The following AKAP17A variants were observed in gnomAD, a reference collection of about 807,000 sequenced individuals.
AKAP17A encodes the protein A-kinase anchoring protein 17A.
Under a neutral mutation model 52.2 loss-of-function variants are expected in AKAP17A, and 15 were observed. The ratio of observed to expected loss-of-function variants is 0.29; its 90% CI spans 0.19 to 0.44. The LOEUF (loss-of-function observed/expected upper bound fraction) is 0.44. AKAP17A is among the 20% of genes least tolerant of loss of function. The pLI is 1.00. For missense variants in AKAP17A, 1,060 were observed against 1,007.0 expected (o/e 1.05, Z -0.71); for synonymous variants, 514 against 424.7 (o/e 1.21, Z -2.58).
Position 1,599,230 on chromosome X carries a change from A to C in AKAP17A, c.950A>C (p.Lys317Thr). The change falls in exon 4 of 5, where the codon AAA becomes ACA. Residue 317 changes from lysine (K) to threonine (T), a missense_variant. By Grantham distance (78) the Lys-to-Thr change is moderately conservative. Transcript: ENST00000313871. Reference protein sequence around the residue: ...KELEELERERKREEKLRKREQ... With the variant: ...KELEELERERTREEKLRKREQ... ...CTGGAAGAGCTGGAGCGAGAGAGGA[A>C]AAGAGAAGAGAAGCTTCGCAAGAGG... 2 of 1,612,564 alleles carry C rather than the reference A, an allele frequency of 1.2e-6. No individual in the cohort carries two copies. The highest frequency in any genetic ancestry group is 1.7e-6 in the Non-Finnish European group (2 of 1,179,852).
chrX:1,597,150 G>T (rs1478403202), intron 3 of AKAP17A, among the ~76,000 whole-genome samples: 1 of 152,184 alleles, frequency 6.6e-6, no homozygotes, highest in Non-Finnish European at 1.5e-5. Flanking sequence ...GATGTGTGTG[G>T]CTGGTGATGT....
chrX:1,598,295 T>C (rs1933130189), intron 3 of AKAP17A, among the ~76,000 whole-genome samples: 1 of 151,752 alleles, frequency 6.6e-6, no homozygotes, highest in African/African-American at 2.4e-5. Flanking sequence ...CGTCGGCACC[T>C]GGCCCGGCCC....
At chrX:1,594,987 C>A (rs1223176894) in intron 2 of AKAP17A, among the ~76,000 whole-genome samples, 1 of 152,116 alleles carries the variant, frequency 6.6e-6, no homozygotes, top group Non-Finnish European at 1.5e-5. Context: ...GGTTTTGTGG[C>A]CTTAAGATGT....
At position 1,601,044 on chromosome X, in the gene AKAP17A, A is replaced by G. The variant is rs1369250156; in HGVS notation, c.1538A>G (p.Asn513Ser). 6.2e-7 allele frequency: 1 copy of G among 1,612,752 alleles called. No homozygotes were observed. Among genetic ancestry groups the G allele is most frequent in the Non-Finnish European group, 8.5e-7 (1 of 1,179,628 alleles). The change falls in exon 5 of 5, where the codon AAC becomes AGC. Residue 513 changes from asparagine to serine, a missense_variant. Asn to Ser is a conservative substitution (Grantham distance 46). Coordinates refer to ENST00000313871, the MANE Select transcript of AKAP17A (RefSeq NM_005088.3). Reference protein sequence around the residue: ...PEADGAPKSVNGSVAEEAPCK... With the variant: ...PEADGAPKSVSGSVAEEAPCK... ...GCCGACGGCGCTCCCAAAAGCGTGA[A>G]CGGGAGCGTGGCCGAGGAGGCCCCA...
At position 1,601,196 on chromosome X, in the gene AKAP17A, G is replaced by A. The variant is rs1429262230; in HGVS notation, c.1690G>A (p.Glu564Lys). 1.2e-6 allele frequency: 2 copies of A among 1,613,906 alleles called. No homozygotes were observed. Among genetic ancestry groups the A allele is most frequent in the Non-Finnish European group, 8.5e-7 (1 of 1,179,826 alleles). Reference protein sequence around the residue: ...NQQPKGIPACEQNVSRKDTRS... With the variant: ...NQQPKGIPACKQNVSRKDTRS... The stretch of plus-strand genomic sequence containing the variant: ...ACAGCCCAAGGGCATCCCTGCCTGC[G>A]AGCAGAATGTCTCCAGAAAGGACAC... The change falls in exon 5 of 5, where the codon GAG (glutamate) becomes AAG (lysine). Residue 564 changes from glutamate to lysine, a missense_variant. By Grantham distance (56) the Glu-to-Lys change is moderately conservative. Transcript: ENST00000313871.
At chrX:1,595,358 A>G in intron 2 of AKAP17A, 26 bp from the exon 3 acceptor site, 1 of 1,612,842 alleles carries the variant, frequency 6.2e-7, no homozygotes, top group African/African-American at 1.3e-5. Flanking sequence ...GGGGAAGGCC[A>G]TCTGACACTG....
intron 3 of AKAP17A, among the ~76,000 whole-genome samples, chrX:1,596,129 T>TG: frequency 6.6e-6 from 1 of 151,074 alleles, no homozygotes; most frequent in Non-Finnish European, 1.5e-5. Context: ...CACCTCCCGC[T>TG]GAAACAAGCA....
In AKAP17A at chrX:1,593,639, G is replaced by A. The variant is rs758946740; in HGVS notation, c.177G>A (p.Val59=). The A allele has an allele frequency of 1.9e-6, 3 of 1,613,800 alleles. No individual in the cohort carries two copies. In the East Asian group the frequency reaches 6.7e-5, roughly 36 times the overall value. ...TGATGGAGAGGCTGAAGGGCATGGTGCAGAACCACCAGTTCTCCACGCTGC... is the reference window on the plus strand; with the variant it reads ...TGATGGAGAGGCTGAAGGGCATGGTACAGAACCACCAGTTCTCCACGCTGC... ...WEVMERLKGM[V]QNHQFSTLRI... Residue 59 remains valine, a synonymous_variant, in exon 2 of 5, where the codon GTG becomes GTA. Transcript: ENST00000313871.
intron 1 of AKAP17A, among the ~76,000 whole-genome samples, chrX:1,592,375 A>C (rs1932853508): frequency 6.6e-6 from 1 of 151,594 alleles, no homozygotes; most frequent in South Asian, 2.1e-4. Context: ...TACCAGGGGC[A>C]ATGCCGCGTA....
intron 1 of AKAP17A, among the ~76,000 whole-genome samples, chrX:1,592,595 C>T (rs1482815326): frequency 1.3e-5 from 2 of 152,096 alleles, no homozygotes; most frequent in African/African-American, 2.4e-5. Flanking sequence ...GCACCTCCCA[C>T]CTCGGGCTTG....
At position 1,601,779 on chromosome X, in the gene AKAP17A, T is replaced by G; in HGVS notation, c.*185T>G. On this transcript the variant is annotated 3_prime_UTR_variant, in exon 5 of 5. Coordinates refer to ENST00000313871, the MANE Select transcript of AKAP17A (RefSeq NM_005088.3). ...GCTTTAGAGATCCATCTTTCTCCAC[T>G]CACCGCAGCGTACTTGGCACTTCAG... 2.0e-6 allele frequency: 1 copy of G among 499,214 alleles called. No individual in the cohort carries two copies. Among genetic ancestry groups the G allele is most frequent in the Non-Finnish European group, 3.3e-6 (1 of 302,786 alleles). The allele number at this position is 499,214 out of a possible 1,614,324, so 30.9% of individuals were successfully genotyped here.
intron 3 of AKAP17A, 85 bp downstream of exon 3, chrX:1,595,617 T>C: frequency 6.3e-7 from 1 of 1,580,216 alleles, no homozygotes; most frequent in Non-Finnish European, 8.7e-7. Context: ...TCTGCATGTA[T>C]TCCTGTGCGT....
In AKAP17A at chrX:1,591,698, G is replaced by A. The variant is rs1251401645; in HGVS notation, c.-91G>A. On this transcript the variant is annotated 5_prime_UTR_variant, in exon 1 of 5. Transcript: ENST00000313871. Reference sequence around the variant, plus strand: ...GGCGGTGAGGCCGCGCCTGTCCGGGGATCGTCGAGGGACGGCGGGAGCTTG... The same window carrying A: ...GGCGGTGAGGCCGCGCCTGTCCGGGAATCGTCGAGGGACGGCGGGAGCTTG... The A allele has an allele frequency of 6.6e-6, 1 of 152,058 alleles. No homozygotes were observed. The highest frequency in any genetic ancestry group is 6.6e-5 in the Admixed American group (1 of 15,228). 9.4% of individuals were successfully genotyped at this position (152,058 alleles called of 1,614,324 possible). A position where few individuals can be genotyped will look rare whatever the true frequency, so the allele number is the denominator to read the frequency against.
chrX:1,597,339 TG>T (rs1170234073), intron 3 of AKAP17A, among the ~76,000 whole-genome samples: 5 of 152,096 alleles, frequency 3.3e-5, no homozygotes, highest in African/African-American at 9.6e-5. Flanking sequence ...GTGAATGTGC[TG>T]GGGGGGCCCA....
chrX:1,599,188 A>G lies in AKAP17A; in HGVS notation c.912-4A>G, dbSNP rs770114169. Reference sequence around the variant, plus strand: ...TGTGACCACCCCCGGTGTGTTCCACACAGGAAACAAAAGGAGCTGGAAGAG... The same window carrying G: ...TGTGACCACCCCCGGTGTGTTCCACGCAGGAAACAAAAGGAGCTGGAAGAG... On this transcript the variant is annotated splice_region_variant and splice_polypyrimidine_tract_variant and intron_variant, in intron 3 of 4. Transcript: ENST00000313871. The G allele has an allele frequency of 6.2e-7, 1 of 1,611,530 alleles. No homozygotes were observed. The highest frequency in any genetic ancestry group is 8.5e-7 in the Non-Finnish European group (1 of 1,179,646).
chrX:1,592,443 G>C (rs1427265760), intron 1 of AKAP17A, among the ~76,000 whole-genome samples: 1 of 152,006 alleles, frequency 6.6e-6, no homozygotes, highest in Non-Finnish European at 1.5e-5. Context: ...AGGCCAGAGT[G>C]GGGAGGGTTC....
In AKAP17A at chrX:1,600,959, C is replaced by T. The variant is rs768980224; in HGVS notation, c.1453C>T (p.His485Tyr). ...SSGCVSATTLHPLGGQPPAGA... is the reference protein window; with the variant it reads ...SSGCVSATTLYPLGGQPPAGA... ...CGGCTGTGTGAGCGCCACCACGCTG[C>T]ACCCCCTCGGGGGCCAGCCCCCGGC... is the stretch of plus-strand genomic sequence containing the variant. The change falls in exon 5 of 5, where the codon CAC becomes TAC. Residue 485 changes from histidine to tyrosine, a missense_variant. His to Tyr is a moderately conservative substitution (Grantham distance 83, BLOSUM62 2). Around this residue, in one of 2 missense-constraint regions of AKAP17A, gnomAD observed 793 missense variants for 629.9 expected, o/e 1.26. Transcript: ENST00000313871. 4 of 1,587,786 alleles carry T rather than the reference C, an allele frequency of 2.5e-6. No homozygotes were observed. The highest frequency in any genetic ancestry group is 2.7e-5 in the African/African-American group (2 of 74,502).
chrX:1,594,327 G>A (rs1276377374), intron 2 of AKAP17A, 103 bp downstream of exon 2: 3 of 1,363,052 alleles, frequency 2.2e-6, no homozygotes, highest in East Asian at 4.9e-5. Flanking sequence ...AGGCTGTGGG[G>A]ACCTCCCCTA....
At chrX:1,592,341 C>T (rs2149439278) in intron 1 of AKAP17A, among the ~76,000 whole-genome samples, 1 of 151,742 alleles carries the variant, frequency 6.6e-6, no homozygotes, top group African/African-American at 2.4e-5. Flanking sequence ...TGAGGCCATG[C>T]TGGGGGGCTG....
Sources: allele counts gnomAD v4.1 joint callset (sites outside exome capture counted in the v4.1 genomes callset), GRCh38; gene constraint gnomAD v4.1.1; regional missense constraint gnomAD v4.1.1; transcripts MANE v1.5; gene names NCBI Gene and HGNC (gene_info 2026-07-23, HGNC 2026-07-21).